Variants in CASD1 observed in about 807,000 individuals in gnomAD.
CASD1 encodes CAS1 domain sialic acid O acetyltransferase 1.
In CASD1, 41 loss-of-function variants were observed where a neutral mutation model predicts 100.0. The ratio of observed to expected loss-of-function variants is 0.41; its 90% CI spans 0.32 to 0.53. CASD1 has a LOEUF of 0.53. Among genes scored for constraint, CASD1 ranks in the 20% least tolerant of loss-of-function variants. The pLI is 0.25. For synonymous variants in CASD1, 321 were observed against 315.6 expected, an observed-to-expected ratio of 1.02 and a Z score of -0.18; for missense variants, 774 against 948.7, an observed-to-expected ratio of 0.82 and a Z score of 2.42.
At chr7:94,565,747 C>T in the CASD1 span, among the ~76,000 whole-genome samples, 5 of 152,186 alleles carry the variant, frequency 3.3e-5, no homozygotes, top group African/African-American at 1.2e-4. Context: ...AGTCTCCTAA[C>T]CTCATCTAAC....
chr7:94,568,128 A>G, the CASD1 span, among the ~76,000 whole-genome samples: 2 of 152,172 alleles, frequency 1.3e-5, no homozygotes, highest in African/African-American at 2.4e-5. Context: ...ATAACATTGT[A>G]TGAAATAATA....
chr7:94,628,039 G>T, the CASD1 span: 4 of 573,274 alleles, frequency 7.0e-6, no homozygotes, highest in Non-Finnish European at 1.2e-5. Context: ...GAGAAGAATG[G>T]CACATTTCCA....
At chr7:94,570,692 A>G in the CASD1 span, among the ~76,000 whole-genome samples, 1 of 151,980 alleles carries the variant, frequency 6.6e-6, no homozygotes, top group Non-Finnish European at 1.5e-5. Flanking sequence ...ACCGGGTTTC[A>G]CCATGTTGGC....
intron 5 of CASD1, among the ~76,000 whole-genome samples, chr7:94,530,113 T>C (rs190182532): frequency 1.3e-5 from 2 of 152,196 alleles, no homozygotes; most frequent in East Asian, 1.9e-4. Context: ...AGTGCTAAAA[T>C]AGGAAATGTA....
intron 9 of CASD1, among the ~76,000 whole-genome samples, chr7:94,538,558 C>G (rs1795228056): frequency 6.6e-6 from 1 of 152,018 alleles, no homozygotes; most frequent in African/African-American, 2.4e-5. Context: ...AGCTTTTTTT[C>G]TGTCAGTAAA....
chr7:94,533,059 T>C, intron 5 of CASD1, 146 bp from the exon 6 acceptor site: 1 of 483,456 alleles, frequency 2.1e-6, no homozygotes, highest in South Asian at 4.7e-5. Flanking sequence ...ATAACAATAA[T>C]AAGCAATAAT....
chr7:94,583,831 A>G, the CASD1 span, among the ~76,000 whole-genome samples: 1 of 152,148 alleles, frequency 6.6e-6, no homozygotes, highest in Non-Finnish European at 1.5e-5. Flanking sequence ...AGTCCTCAGC[A>G]TGTGGCAGAA....
intron 9 of CASD1, 108 bp downstream of exon 9, chr7:94,538,002 G>C: frequency 1.5e-6 from 1 of 679,836 alleles, no homozygotes; most frequent in Non-Finnish European, 2.4e-6. Flanking sequence ...AACAGGTATA[G>C]AGATGAAGAT....
the CASD1 span, among the ~76,000 whole-genome samples, chr7:94,569,372 A>G: frequency 6.6e-6 from 1 of 152,238 alleles, no homozygotes; most frequent in Non-Finnish European, 1.5e-5. Flanking sequence ...ATGTAGTGCT[A>G]ACAAAGAATG....
chr7:94,623,727 T>C, the CASD1 span: 1 of 399,514 alleles, frequency 2.5e-6, no homozygotes, highest in Non-Finnish European at 4.4e-6. Flanking sequence ...CCAGTGATGT[T>C]CTAAGATTTC....
chr7:94,569,028 A>G, the CASD1 span, among the ~76,000 whole-genome samples: 1 of 152,222 alleles, frequency 6.6e-6, no homozygotes, highest in Non-Finnish European at 1.5e-5. Context: ...AGAAAGGGAA[A>G]TATTAATGCC....
chr7:94,594,793 C>T, the CASD1 span, among the ~76,000 whole-genome samples: 1 of 152,182 alleles, frequency 6.6e-6, no homozygotes, highest in East Asian at 1.9e-4. Flanking sequence ...ACACATTAGC[C>T]AAGATCAAAT....
At chr7:94,579,816 A>G in the CASD1 span, among the ~76,000 whole-genome samples, 1,805 of 152,210 alleles carry the variant, frequency 0.012, 33 homozygotes, top group African/African-American at 0.041. Context: ...CATATATTCA[A>G]TTGCCTACTA....
At chr7:94,586,388 G>A in the CASD1 span, 10 of 152,158 alleles carry the variant, frequency 6.6e-5, no homozygotes, top group Admixed American at 6.5e-4. Flanking sequence ...GAAGAATTTA[G>A]AAATTGAGAA....
At chr7:94,514,723 T>C (rs919495986) in intron 1 of CASD1, among the ~76,000 whole-genome samples, 1 of 152,156 alleles carries the variant, frequency 6.6e-6, no homozygotes, top group African/African-American at 2.4e-5. Context: ...TTCATCCAGA[T>C]AATCTTGGTG....
the CASD1 span, among the ~76,000 whole-genome samples, chr7:94,632,086 A>G: frequency 6.6e-6 from 1 of 152,148 alleles, no homozygotes; most frequent in South Asian, 2.1e-4. Context: ...AAATATATAT[A>G]ATACTTAGAG....
chr7:94,594,576 AACGAATGAC>A, the CASD1 span: 1 of 152,186 alleles, frequency 6.6e-6, no homozygotes, highest in South Asian at 2.1e-4. Context: ...TTAGTGGAAA[AACGAATGAC>A]ATCTGAAAAA....
the CASD1 span, among the ~76,000 whole-genome samples, chr7:94,575,529 G>A: frequency 4.6e-5 from 7 of 152,196 alleles, no homozygotes; most frequent in South Asian, 1.5e-3. Flanking sequence ...GTTTTTTTGG[G>A]TGGAGAGTTC....
chr7:94,578,459 T>C, the CASD1 span, among the ~76,000 whole-genome samples: 1 of 152,206 alleles, frequency 6.6e-6, no homozygotes, highest in African/African-American at 2.4e-5. Context: ...GCCTGTAGTA[T>C]ATAAATAATT....
Sources: gnomAD v4.1 joint callset for allele counts (sites outside exome capture counted in the v4.1 genomes callset) on GRCh38, gnomAD v4.1.1 for gene constraint, MANE v1.5 for transcripts, NCBI Gene and HGNC (gene_info 2026-07-23, HGNC 2026-07-21) for gene names.